APOL4: variants seen among roughly 807,000 people sequenced by gnomAD.
APOL4 encodes apolipoprotein L, 4.
Under a neutral mutation model 12.1 loss-of-function variants are expected in APOL4, and 14 were observed. That is an observed-to-expected ratio of 1.16 (90% CI 0.76 to 1.81). The LOEUF is 1.81. APOL4 is among the 40% of genes most tolerant of loss of function. The pLI, the probability that APOL4 is intolerant of heterozygous loss-of-function variation, is 0.00. For missense variants in APOL4, 432 were observed against 423.1 expected (o/e 1.02, Z -0.18); for synonymous variants, 171 against 160.6 (o/e 1.06, Z -0.49).
chr22:36,191,338 G>T lies in APOL4; in HGVS notation c.784C>A (p.Arg262=). The part of the protein sequence containing the change: ...ATVGRPLIAW[R]YVPINVVETL... ...TCAACAACATTTATAGGTACATATC[G>T]CCAAGCAATCAAAGGGCGTCCAACA... is the stretch of plus-strand genomic sequence containing the variant. Residue 262 remains arginine (R), a synonymous_variant, in exon 4 of 4, where the codon CGA becomes AGA. Coordinates refer to ENST00000683024, the MANE Select transcript of APOL4 (RefSeq NM_001386885.1). 1.2e-6 allele frequency: 2 copies of T among 1,614,026 alleles called. No individual in the cohort carries two copies. Among genetic ancestry groups the T allele is most frequent in the South Asian group, 2.2e-5 (2 of 91,086 alleles).
rs1200989811 is a variant in APOL4, at chr22:36,191,749, C to T, written c.373G>A (p.Val125Ile). Residue 125 changes from valine to isoleucine, a missense_variant, in exon 4 of 4, where the codon GTC becomes ATC. By Grantham distance (29) the Val-to-Ile change is conservative (BLOSUM62 3). Transcript: ENST00000683024. ...ACCTTTTCAATCTCATTTGCAATGACACGAAGCCTTTCTATGGACTCCTGA... is the reference window on the plus strand; with the variant it reads ...ACCTTTTCAATCTCATTTGCAATGATACGAAGCCTTTCTATGGACTCCTGA... ...KIQESIERLR[V>I]IANEIEKVHR... The T allele has an allele frequency of 3.1e-6, 5 of 1,614,064 alleles. No individual in the cohort carries two copies. The South Asian group carries it at 5.5e-5, about 18-fold the overall frequency.
At chr22:36,204,125 C>T (rs961322255), upstream of APOL4, among the ~76,000 whole-genome samples, 19 of 152,166 alleles carry the variant, frequency 1.2e-4, no homozygotes, top group Admixed American at 6.5e-4. Context: ...TGCTCAGACT[C>T]AGGGTGGGTG....
In APOL4 at chr22:36,201,622, A is replaced by T. The variant is rs2146949785; in HGVS notation, c.35+78T>A. 4 of 936,580 alleles carry T rather than the reference A, an allele frequency of 4.3e-6. 2 individuals are homozygous for T. The highest frequency in any genetic ancestry group is 8.6e-5 in the East Asian group (2 of 23,280). 58.0% of individuals were successfully genotyped at this position (936,580 alleles called of 1,614,324 possible). A position where few individuals can be genotyped will look rare whatever the true frequency, so the allele number is the denominator to read the frequency against. Reference sequence around the variant, plus strand: ...CCTAGGCCAAGGCAACCATCTCAACACCATGAGCCAGTAGAACTGGGAGGA... The same window carrying T: ...CCTAGGCCAAGGCAACCATCTCAACTCCATGAGCCAGTAGAACTGGGAGGA... On this transcript the variant is annotated intron_variant, in intron 1 of 3. Transcript: ENST00000683024.
chr22:36,200,429 C>T (rs1414462210), intron 1 of APOL4, among the ~76,000 whole-genome samples: 1 of 152,238 alleles, frequency 6.6e-6, no homozygotes, highest in Non-Finnish European at 1.5e-5. Context: ...CTGTGTCCCC[C>T]TTGCTTCTCT....
At chr22:36,196,851 A>C (rs532106769) in intron 2 of APOL4, among the ~76,000 whole-genome samples, 5 of 152,226 alleles carry the variant, frequency 3.3e-5, no homozygotes, top group African/African-American at 1.2e-4. Flanking sequence ...TATTTAAAAA[A>C]TGCCTGTGGT....
intron 3 of APOL4, among the ~76,000 whole-genome samples, chr22:36,192,221 T>C (rs550543730): frequency 6.6e-6 from 1 of 152,064 alleles, no homozygotes; most frequent in Non-Finnish European, 1.5e-5. Flanking sequence ...GTGCCTGTAG[T>C]CCCAGCTACT....
intron 1 of APOL4, chr22:36,201,456 T>C (rs2014572725): frequency 3.4e-6 from 3 of 888,004 alleles, no homozygotes; most frequent in Middle Eastern, 3.5e-4. Context: ...GCAACAAGGG[T>C]AAAAGGGGGA....
intron 3 of APOL4, among the ~76,000 whole-genome samples, chr22:36,194,605 T>G (rs1345791396): frequency 6.6e-6 from 1 of 152,126 alleles, no homozygotes; most frequent in African/African-American, 2.4e-5. Context: ...TCTGATTGAA[T>G]TACTAATAGC....
intron 1 of APOL4, among the ~76,000 whole-genome samples, chr22:36,200,418 C>T (rs937511572): frequency 1.3e-5 from 2 of 152,218 alleles, no homozygotes; most frequent in African/African-American, 2.4e-5. Context: ...CAGTGGACAG[C>T]CTGTGTCCCC....
At position 36,189,769 on chromosome 22, in the gene APOL4, C is replaced by T; in HGVS notation, c.*1306G>A. The T allele has an allele frequency of 6.5e-6, 1 of 152,964 alleles. No individual in the cohort carries two copies. Among genetic ancestry groups the T allele is most frequent in the South Asian group, 1.8e-4 (1 of 5,430 alleles). The allele number at this position is 152,964 out of a possible 1,614,324, so 9.5% of individuals were successfully genotyped here. A position where few individuals can be genotyped will look rare whatever the true frequency, so the allele number is the denominator to read the frequency against. On this transcript the variant is annotated 3_prime_UTR_variant, in exon 4 of 4. Transcript: ENST00000683024. ...TCCCCACACTCTCCAGTCCCCTCTC[C>T]TCCCTTATTCCAGGCCCCAGCATTT...
chr22:36,202,209 T>A, upstream of APOL4: 1 of 997,372 alleles, frequency 1.0e-6, no homozygotes, highest in Non-Finnish European at 1.5e-6. Context: ...TGGGCTCAAG[T>A]GATCTTCCTC....
rs758916517 is a variant in APOL4 at position 36,201,656 on chromosome 22, G to C, written c.35+44C>G. ...CAGTAGAACTGGGAGGACCAGGAGA[G>C]AGCAGAGGAGCAGGAGGGCAGAGAG... On this transcript the variant is annotated intron_variant, in intron 1 of 3. Coordinates refer to ENST00000683024, the MANE Select transcript of APOL4 (RefSeq NM_001386885.1). 24 of 1,548,856 alleles carry C rather than the reference G, an allele frequency of 1.5e-5. No homozygotes were observed. In the Admixed American group the frequency reaches 2.2e-4, roughly 14 times the overall value.
In APOL4 at chr22:36,191,258, G is replaced by A. The variant is rs1415024199; in HGVS notation, c.864C>T (p.Asn288=). 4.3e-6 allele frequency: 7 copies of A among 1,614,060 alleles called. No homozygotes were observed. The highest frequency in any genetic ancestry group is 1.7e-5 in the Admixed American group (1 of 60,036). ...GGACACCTGAAGTGGCCTTGCCCAG[G>A]TTCCGGGCTACTTTTCTCACTATCC... ...PTRIVRKVAR[N]LGKATSGVLV... The change falls in exon 4 of 4, where the codon AAC becomes AAT. Residue 288 remains asparagine (N), a synonymous_variant. Transcript: ENST00000683024.
chr22:36,195,226 G>A (rs2014368127), intron 3 of APOL4, 85 bp downstream of exon 3: 2 of 1,517,718 alleles, frequency 1.3e-6, no homozygotes, highest in Non-Finnish European at 1.8e-6. Context: ...GCCTGGAGGA[G>A]GTGTGCCTGC....
chr22:36,202,937 T>A (rs991253528), upstream of APOL4, among the ~76,000 whole-genome samples: 4 of 152,130 alleles, frequency 2.6e-5, no homozygotes, highest in African/African-American at 9.7e-5. Context: ...GACTCTGCTA[T>A]TGAAGAAAAA....
upstream of APOL4, among the ~76,000 whole-genome samples, chr22:36,203,258 A>AG (rs1158120558): frequency 2.6e-5 from 4 of 152,184 alleles, no homozygotes; most frequent in South Asian, 2.1e-4. Context: ...AGCTGGGTCC[A>AG]GGGGGGTCAC....
In APOL4 at chr22:36,201,742, G is replaced by C. The variant is rs750601359; in HGVS notation, c.-8C>G. ...CTGCACCCAGGATCCCATCCTCCTT[G>C]GTCATTGTTGGCCTGGCTCAGACGC... On this transcript the variant is annotated 5_prime_UTR_variant, in exon 1 of 4. Transcript: ENST00000683024. The C allele has an allele frequency of 1.2e-6, 2 of 1,605,934 alleles. No homozygotes were observed. The highest frequency in any genetic ancestry group is 2.2e-5 in the East Asian group (1 of 44,672).
intron 1 of APOL4, among the ~76,000 whole-genome samples, chr22:36,200,616 C>T (rs59509279): frequency 2.0e-5 from 3 of 152,338 alleles, no homozygotes; most frequent in South Asian, 4.1e-4. Flanking sequence ...CCCTCCTTCA[C>T]GTAAAACTGC....
Position 36,198,354 on chromosome 22 carries a change from G to C in APOL4, c.82+976C>G, listed in dbSNP as rs541965404. Among the ~76,000 whole-genome samples the C allele has an allele frequency of 3.3e-5, 5 of 152,248 alleles. No individual in the cohort carries two copies. The East Asian group carries it at 5.8e-4, about 18-fold the overall frequency. On this transcript the variant is annotated intron_variant, in intron 2 of 3. Transcript: ENST00000683024. Reference sequence around the variant, plus strand: ...GAACTAATCAAATAATGTCCTAATTGCACTTCCATATTCACCCGATAAACA... The same window carrying C: ...GAACTAATCAAATAATGTCCTAATTCCACTTCCATATTCACCCGATAAACA...
Sources: allele counts gnomAD v4.1 joint callset (sites outside exome capture counted in the v4.1 genomes callset), GRCh38; gene constraint gnomAD v4.1.1; transcripts MANE v1.5; gene names NCBI Gene and HGNC (gene_info 2026-07-23, HGNC 2026-07-21).